RBPJ: variants seen among roughly 807,000 people sequenced by gnomAD.
RBPJ encodes the protein recombining binding protein suppressor of hairless.
Under a neutral mutation model 67.8 loss-of-function variants are expected in RBPJ, and 9 were observed. The observed-to-expected ratio is 0.13, with a 90% confidence interval of 0.08 to 0.23. The LOEUF (loss-of-function observed/expected upper bound fraction) is 0.23, where lower values mean the gene tolerates loss of function less well. Ranked by LOEUF, RBPJ falls within the 10% of genes least tolerant of loss-of-function variation. RBPJ has a pLI of 1.00. For synonymous variants in RBPJ, 198 were observed against 203.3 expected (o/e 0.97, Z 0.22); for missense variants, 305 against 595.6 (o/e 0.51, Z 5.08).
upstream of RBPJ, among the ~76,000 whole-genome samples, chr4:26,316,003 T>C (rs1722596817): frequency 6.6e-6 from 1 of 152,118 alleles, no homozygotes; most frequent in Non-Finnish European, 1.5e-5. Context: ...TTTTTCAAGG[T>C]GCACTGATTT....
rs73809417 is a variant in RBPJ at position 26,341,281 on chromosome 4, A to C, written c.20+20233A>C. On this transcript the variant is annotated intron_variant, in intron 1 of 10. Transcript: ENST00000355476. ...AGTCAAATAAAGAAGATGGCTCAAC[A>C]AGAAGGGAGTGATCCAGTCAGATAA... Among the ~76,000 whole-genome samples, 949 of 152,268 alleles carry C rather than the reference A, an allele frequency of 6.2e-3. 12 individuals are homozygous for C. Among genetic ancestry groups the C allele is most frequent in the African/African-American group, 0.022 (908 of 41,550 alleles).
intron 1 of RBPJ, among the ~76,000 whole-genome samples, chr4:26,253,461 G>A (rs1042304288): frequency 2.0e-5 from 3 of 149,318 alleles, no homozygotes; most frequent in South Asian, 2.1e-4. Flanking sequence ...ACAGGCGCCC[G>A]CCACTACGCC....
intron 1 of RBPJ, among the ~76,000 whole-genome samples, chr4:26,192,568 A>G (rs937552266): frequency 6.6e-5 from 10 of 152,182 alleles, no homozygotes; most frequent in African/African-American, 2.2e-4. Flanking sequence ...AAAGTTATTG[A>G]CATATACTAG....
intron 1 of RBPJ, among the ~76,000 whole-genome samples, chr4:26,369,084 C>T (rs963599066): frequency 2.6e-5 from 4 of 152,156 alleles, no homozygotes; most frequent in African/African-American, 9.7e-5. Flanking sequence ...AGGTATTCAG[C>T]AAATATTAGC....
chr4:26,295,271 G>GTGTGT (rs1560248894), intron 1 of RBPJ, among the ~76,000 whole-genome samples: 2 of 117,920 alleles, frequency 1.7e-5, no homozygotes, highest in Admixed American at 7.6e-5. Context: ...TGTGTGTGTG[G>GTGTGT]GTGTGTGTGT....
At chr4:26,319,688 A>T (rs1338604640), upstream of RBPJ, 1 of 676,832 alleles carries the variant, frequency 1.5e-6, no homozygotes, top group Non-Finnish European at 2.7e-6. Flanking sequence ...AAGGAGGTGT[A>T]GCGTGAGACT....
the RBPJ span, among the ~76,000 whole-genome samples, chr4:26,141,536 A>G: frequency 3.3e-5 from 5 of 152,192 alleles, no homozygotes; most frequent in Admixed American, 6.5e-5. Context: ...ACATAATTGC[A>G]CATATTTATG....
chr4:26,314,320 T>C (rs1259845166), intron 1 of RBPJ, among the ~76,000 whole-genome samples: 1 of 152,158 alleles, frequency 6.6e-6, no homozygotes, highest in African/African-American at 2.4e-5. Flanking sequence ...CTGCAAAATA[T>C]AGGTAATTTT....
chr4:26,246,973 C>CTT (rs56160527), intron 1 of RBPJ, among the ~76,000 whole-genome samples: 1,847 of 121,870 alleles, frequency 0.015, 51 homozygotes, highest in African/African-American at 0.036. Context: ...ACATAATACG[C>CTT]TTTTTTTTTT....
chr4:26,424,862 G>A lies in RBPJ; in HGVS notation c.747+119G>A. ...AGTTTTATGCTTTTTAATTTTAAAA[G>A]GTATGTTAGTAATCAGTGCTGTTTA... is the stretch of plus-strand genomic sequence containing the variant. On this transcript the variant is annotated intron_variant, in intron 7 of 10. Transcript: ENST00000355476. The surrounding 1 kb of genome is among the most constrained non-coding windows in gnomAD (Gnocchi z 5.3). The A allele has an allele frequency of 3.1e-6, 2 of 636,222 alleles. No individual in the cohort carries two copies. The highest frequency in any genetic ancestry group is 5.5e-6 in the Non-Finnish European group (2 of 361,176). 39.4% of individuals were successfully genotyped at this position (636,222 alleles called of 1,614,324 possible). A position where few individuals can be genotyped will look rare whatever the true frequency, so the allele number is the denominator to read the frequency against.
chr4:26,252,385 C>T (rs1055860389), intron 1 of RBPJ, among the ~76,000 whole-genome samples: 5 of 152,030 alleles, frequency 3.3e-5, no homozygotes, highest in Non-Finnish European at 5.9e-5. Context: ...TACTGGAGCC[C>T]AGGAGTTCGA....
At chr4:26,231,043 G>A (rs1345895228) in intron 1 of RBPJ, among the ~76,000 whole-genome samples, 1 of 152,154 alleles carries the variant, frequency 6.6e-6, no homozygotes, top group Non-Finnish European at 1.5e-5. Context: ...ATCAGCAAAA[G>A]TGATGGATTC....
the RBPJ span, among the ~76,000 whole-genome samples, chr4:26,121,230 C>A: frequency 6.6e-6 from 1 of 152,050 alleles, no homozygotes; most frequent in Admixed American, 6.6e-5. Flanking sequence ...AATCTGAAGC[C>A]AGTGGGCTGC....
At chr4:26,149,946 G>A in the RBPJ span, among the ~76,000 whole-genome samples, 11 of 152,118 alleles carry the variant, frequency 7.2e-5, no homozygotes, top group East Asian at 3.9e-4. Context: ...CAGAATTTAC[G>A]TTTCTTAGCC....
intron 1 of RBPJ, among the ~76,000 whole-genome samples, chr4:26,353,030 A>G (rs1305804207): frequency 6.6e-6 from 1 of 152,248 alleles, no homozygotes; most frequent in Non-Finnish European, 1.5e-5. Flanking sequence ...AGGAAAGTAT[A>G]GCAAAACCCG....
chr4:26,340,069 A>G (rs1367488512), intron 1 of RBPJ, among the ~76,000 whole-genome samples: 6 of 152,250 alleles, frequency 3.9e-5, no homozygotes, highest in East Asian at 1.9e-4. Flanking sequence ...CCTATTGAGT[A>G]CATACTACTT....
chr4:26,215,016 G>A lies in RBPJ; in HGVS notation c.-167+51402G>A, dbSNP rs1718631251. ...GGAGGGAGGGAAGGAAGGAAGGAGAGAAAGAAAGAAAGAAAAGAAAGAGGG... is the reference window on the plus strand; with the variant it reads ...GGAGGGAGGGAAGGAAGGAAGGAGAAAAAGAAAGAAAGAAAAGAAAGAGGG... On this transcript the variant is annotated intron_variant, in intron 1 of 4. Coordinates refer to the RBPJ transcript ENST00000512351. Among the ~76,000 whole-genome samples, 2 of 58,386 alleles carry A rather than the reference G, an allele frequency of 3.4e-5. 1 individual carries two copies. The highest frequency in any genetic ancestry group is 6.5e-5 in the Non-Finnish European group (2 of 30,900). The allele number at this position is 58,386 out of a possible 152,430, so 38.3% of individuals were successfully genotyped here. A position where few individuals can be genotyped will look rare whatever the true frequency, so the allele number is the denominator to read the frequency against.
At chr4:26,222,399 G>A (rs549561012) in intron 1 of RBPJ, among the ~76,000 whole-genome samples, 132 of 151,300 alleles carry the variant, frequency 8.7e-4, no homozygotes, top group Non-Finnish European at 1.6e-3. Flanking sequence ...GGAGGCTGAG[G>A]CAGGAGAATG....
intron 1 of RBPJ, among the ~76,000 whole-genome samples, chr4:26,227,891 C>T (rs1027571260): frequency 2.0e-5 from 3 of 152,228 alleles, no homozygotes; most frequent in Admixed American, 6.5e-5. Context: ...CCTGTGAATG[C>T]TCCTTAACAT....
Sources: gnomAD v4.1 joint callset for allele counts (sites outside exome capture counted in the v4.1 genomes callset) on GRCh38, gnomAD v4.1.1 for gene constraint, Gnocchi (gnomAD v3.1) non-coding constraint, MANE v1.5 for transcripts, NCBI Gene and HGNC (gene_info 2026-07-23, HGNC 2026-07-21) for gene names.